The following LRRTM4 variants were observed in gnomAD, a reference collection of about 807,000 sequenced individuals.
LRRTM4 encodes the protein leucine-rich repeat transmembrane neuronal protein 4.
Under a neutral mutation model 47.6 loss-of-function variants are expected in LRRTM4, and 25 were observed. The observed-to-expected ratio is 0.53, with a 90% CI of 0.38 to 0.73. The LOEUF (loss-of-function observed/expected upper bound fraction) is 0.73, where lower values mean the gene tolerates loss of function less well. LRRTM4 is among the 30% of genes least tolerant of loss of function. The pLI is 0.00. For missense variants in LRRTM4, 638 were observed against 713.4 expected, an observed-to-expected ratio of 0.89 and a Z score of 1.20; for synonymous variants, 311 against 269.5, an observed-to-expected ratio of 1.15 and a Z score of -1.51.
chr2:77,132,539 A>C (rs1435632861), intron 3 of LRRTM4, among the ~76,000 whole-genome samples: 1 of 152,182 alleles, frequency 6.6e-6, no homozygotes, highest in Non-Finnish European at 1.5e-5. Flanking sequence ...GCCAAGATCA[A>C]AAAGCTAGCA....
chr2:77,351,515 G>A (rs953411841), intron 3 of LRRTM4, among the ~76,000 whole-genome samples: 1 of 150,824 alleles, frequency 6.6e-6, no homozygotes, highest in African/African-American at 2.4e-5. Flanking sequence ...TAAAGACTAC[G>A]CAGAAATAAA....
intron 3 of LRRTM4, among the ~76,000 whole-genome samples, chr2:77,019,005 A>G (rs1466835676): frequency 1.3e-5 from 2 of 152,072 alleles, no homozygotes; most frequent in African/African-American, 4.8e-5. Flanking sequence ...AAAATGAAAT[A>G]TCTTGTAACA....
chr2:77,289,093 T>C (rs1676747401), intron 3 of LRRTM4, among the ~76,000 whole-genome samples: 1 of 152,100 alleles, frequency 6.6e-6, no homozygotes, highest in African/African-American at 2.4e-5. Flanking sequence ...TGTATAGCTG[T>C]ATCCTTTTAT....
chr2:77,007,603 G>C (rs1004657476), intron 3 of LRRTM4, among the ~76,000 whole-genome samples: 3 of 152,120 alleles, frequency 2.0e-5, no homozygotes, highest in African/African-American at 4.8e-5. Flanking sequence ...TGGCAACATA[G>C]GTTTGTTACT....
chr2:77,155,626 G>A (rs1285709843), intron 3 of LRRTM4, among the ~76,000 whole-genome samples: 3 of 151,964 alleles, frequency 2.0e-5, no homozygotes, highest in Non-Finnish European at 4.4e-5. Context: ...GGGTGTGGGG[G>A]AGAAAGACCT....
At chr2:76,878,823 A>G (rs1462789814) in intron 3 of LRRTM4, among the ~76,000 whole-genome samples, 1 of 152,074 alleles carries the variant, frequency 6.6e-6, no homozygotes, top group Non-Finnish European at 1.5e-5. Context: ...GTGAAGAGCC[A>G]AGATGGCGCC....
chr2:77,194,125 C>T (rs1403335200), intron 3 of LRRTM4, among the ~76,000 whole-genome samples: 2 of 152,070 alleles, frequency 1.3e-5, no homozygotes, highest in African/African-American at 4.8e-5. Flanking sequence ...GTCATAAGGG[C>T]CTTCTTGCCC....
At chr2:77,197,586 T>C (rs1673864316) in intron 3 of LRRTM4, among the ~76,000 whole-genome samples, 1 of 152,202 alleles carries the variant, frequency 6.6e-6, no homozygotes, top group African/African-American at 2.4e-5. Flanking sequence ...CAATCTATTA[T>C]ACACCTAAAA....
At chr2:77,291,231 G>T (rs958778281) in intron 3 of LRRTM4, among the ~76,000 whole-genome samples, 1 of 151,950 alleles carries the variant, frequency 6.6e-6, no homozygotes, top group Non-Finnish European at 1.5e-5. Flanking sequence ...CATCTTGGGG[G>T]TTAATAAAAA....
intron 3 of LRRTM4, among the ~76,000 whole-genome samples, chr2:76,834,336 C>T (rs1044061980): frequency 5.3e-5 from 8 of 151,868 alleles, no homozygotes; most frequent in Non-Finnish European, 1.0e-4. Context: ...TAGGCGTAAG[C>T]CACCATGCCC....
At chr2:77,145,903 TTA>T (rs1351766347) in intron 3 of LRRTM4, among the ~76,000 whole-genome samples, 4 of 152,160 alleles carry the variant, frequency 2.6e-5, no homozygotes, top group Non-Finnish European at 5.9e-5. Context: ...GTTTCAAAGA[TTA>T]TTATTCTTTC....
rs188362265 is a variant in LRRTM4, at chr2:77,307,357, T to C, written c.1551+210961A>G. ...TCATTATATTTATCCATCCAATATT[T>C]CATATTTCAGGAATTCACACATTCA... On this transcript the variant is annotated intron_variant, in intron 3 of 3. Coordinates refer to ENST00000409884, the MANE Select transcript of LRRTM4 (RefSeq NM_001134745.3). Among the ~76,000 whole-genome samples the C allele has an allele frequency of 1.2e-3, 182 of 151,504 alleles. 1 individual carries two copies. Among genetic ancestry groups the C allele is most frequent in the African/African-American group, 4.1e-3 (171 of 41,404 alleles).
chr2:76,757,877 A>G (rs1222034869), intron 3 of LRRTM4, among the ~76,000 whole-genome samples: 1 of 152,188 alleles, frequency 6.6e-6, no homozygotes, highest in African/African-American at 2.4e-5. Flanking sequence ...AACAAATCCT[A>G]TCAGCCTATA....
At chr2:77,351,211 A>G (rs7585775) in intron 3 of LRRTM4, among the ~76,000 whole-genome samples, 146,104 of 151,926 alleles carry the variant, frequency 0.96, 70,285 homozygotes, top group African/African-American at 0.97. Context: ...TAAGAATAAT[A>G]ACCGCCAACT....
intron 3 of LRRTM4, among the ~76,000 whole-genome samples, chr2:77,005,968 T>C (rs1677628693): frequency 6.6e-6 from 1 of 152,206 alleles, no homozygotes; most frequent in Non-Finnish European, 1.5e-5. Context: ...ACAAAGAGGA[T>C]AGTTAAGGTT....
At chr2:77,066,449 T>G (rs1351379574) in intron 3 of LRRTM4, among the ~76,000 whole-genome samples, 1 of 152,206 alleles carries the variant, frequency 6.6e-6, no homozygotes, top group Non-Finnish European at 1.5e-5. Context: ...GTTCAAGTTA[T>G]CTAAGTTAAT....
Position 76,906,916 on chromosome 2 carries a change from C to T in LRRTM4, c.1552-158000G>A, listed in dbSNP as rs566970502. Among the ~76,000 whole-genome samples the T allele has an allele frequency of 3.1e-3, 471 of 151,918 alleles. 2 individuals carry two copies. Among genetic ancestry groups the T allele is most frequent in the African/African-American group, 0.011 (447 of 41,414 alleles). On this transcript the variant is annotated intron_variant, in intron 3 of 3. Transcript: ENST00000409884. ...AATAATGGGAGACTTTAACACCCCA[C>T]TGTCAACATTAGACAGATCAATGAG...
In LRRTM4 at chr2:77,323,019, T is replaced by C. The variant is rs947270440; in HGVS notation, c.1551+195299A>G. 5.9e-5 allele frequency among the ~76,000 whole-genome samples: 9 copies of C among 151,960 alleles called. 1 individual carries two copies. Among genetic ancestry groups the C allele is most frequent in the Non-Finnish European group, 1.3e-4 (9 of 67,976 alleles). ...CAACATTTATTGTCTCTCAATAGGATCTAGATGTTTCATGGAGGCGTCACT... is the reference window on the plus strand; with the variant it reads ...CAACATTTATTGTCTCTCAATAGGACCTAGATGTTTCATGGAGGCGTCACT... On this transcript the variant is annotated intron_variant, in intron 3 of 3. Transcript: ENST00000409884.
intron 3 of LRRTM4, among the ~76,000 whole-genome samples, chr2:77,236,860 T>C (rs1175492113): frequency 2.0e-5 from 3 of 152,100 alleles, no homozygotes; most frequent in African/African-American, 7.2e-5. Flanking sequence ...TTGCATCACA[T>C]GTACTAAGTC....
Sources: gnomAD v4.1 joint callset for allele counts (sites outside exome capture counted in the v4.1 genomes callset) on GRCh38, gnomAD v4.1.1 for gene constraint, MANE v1.5 for transcripts, NCBI Gene and HGNC (gene_info 2026-07-23, HGNC 2026-07-21) for gene names.